Variants in CD163L1 observed in about 807,000 individuals in gnomAD.
CD163L1 encodes scavenger receptor cysteine-rich type 1 protein M160.
In CD163L1, 124 loss-of-function variants were observed where a neutral mutation model predicts 165.4. That is an observed-to-expected ratio of 0.75 (90% CI 0.65 to 0.87). The LOEUF (loss-of-function observed/expected upper bound fraction) is 0.87. Ranked by LOEUF, CD163L1 falls within the 40% of genes least tolerant of loss-of-function variation. The pLI is 0.00. For synonymous variants in CD163L1, 585 were observed against 662.2 expected, an observed-to-expected ratio of 0.88 and a Z score of 1.79; for missense variants, 1,525 against 1,799.9, an observed-to-expected ratio of 0.85 and a Z score of 2.76.
chr12:7,323,349 G>T, the CD163L1 span: 2 of 1,600,844 alleles, frequency 1.2e-6, no homozygotes, highest in Non-Finnish European at 1.7e-6. Context: ...GTTCAGTAAA[G>T]GAGAGAGAAC....
intron 8 of CD163L1, among the ~76,000 whole-genome samples, chr12:7,383,486 C>T (rs1947454822): frequency 6.6e-6 from 1 of 152,158 alleles, no homozygotes; most frequent in African/African-American, 2.4e-5. Flanking sequence ...GATAAGCAAG[C>T]CACCTGGAAG....
At chr12:7,410,784 C>T (rs1948124071) in intron 4 of CD163L1, among the ~76,000 whole-genome samples, 1 of 151,522 alleles carries the variant, frequency 6.6e-6, no homozygotes, top group South Asian at 2.1e-4. Context: ...GAGCTGAGAT[C>T]ACACCACTGC....
downstream of CD163L1, among the ~76,000 whole-genome samples, chr12:7,341,778 C>T (rs1339031168): frequency 1.3e-5 from 2 of 152,076 alleles, no homozygotes; most frequent in Admixed American, 6.6e-5. Flanking sequence ...AAATCTATAC[C>T]CCTGGGCCTT....
At chr12:7,381,226 T>C (rs1031753573) in intron 8 of CD163L1, among the ~76,000 whole-genome samples, 1 of 152,166 alleles carries the variant, frequency 6.6e-6, no homozygotes, top group African/African-American at 2.4e-5. Context: ...CAACTCTGAC[T>C]TTGACCAGAT....
At chr12:7,363,607 C>T (rs749727931) in intron 18 of CD163L1, among the ~76,000 whole-genome samples, 1 of 151,326 alleles carries the variant, frequency 6.6e-6, no homozygotes, top group Non-Finnish European at 1.5e-5. Flanking sequence ...CAATTGAGAC[C>T]ACAGAAATAC....
intron 4 of CD163L1, among the ~76,000 whole-genome samples, chr12:7,408,431 TCACATTAGCAATATTTTTAAACTATTTC>T (rs1948072380): frequency 6.6e-6 from 1 of 152,160 alleles, no homozygotes; most frequent in Non-Finnish European, 1.5e-5. Flanking sequence ...AAATAGAATG[TCACATTAGCAATATTTTTAAACTATTTC>T]CACTTTTGTA....
At position 7,412,824 on chromosome 12, in the gene CD163L1, C is replaced by T. The variant is rs147284415; in HGVS notation, c.767-5972G>A. The stretch of plus-strand genomic sequence containing the variant: ...AGAAGTCCAAGCACCTGGCCGGGCG[C>T]AGTGGCTCACACCTGTAATCCAAGC... On this transcript the variant is annotated intron_variant, in intron 4 of 19. Transcript: ENST00000313599. Among the ~76,000 whole-genome samples, 1,080 of 152,104 alleles carry T rather than the reference C, an allele frequency of 7.1e-3. 15 individuals carry two copies. Among genetic ancestry groups the T allele is most frequent in the African/African-American group, 0.025 (1,023 of 41,486 alleles).
intron 2 of CD163L1, among the ~76,000 whole-genome samples, chr12:7,436,892 A>G (rs754742064): frequency 1.2e-3 from 181 of 151,964 alleles, no homozygotes; most frequent in African/African-American, 3.8e-3. Context: ...AGGTCTTATT[A>G]AAATCTATTT....
the CD163L1 span, among the ~76,000 whole-genome samples, chr12:7,330,871 C>T: frequency 3.2e-4 from 49 of 152,262 alleles, no homozygotes; most frequent in African/African-American, 8.7e-4. Context: ...ACGCAGAAGA[C>T]GGATGATTTC....
intron 2 of CD163L1, chr12:7,440,021 C>G (rs1006388120): frequency 4.2e-5 from 58 of 1,386,026 alleles, no homozygotes; most frequent in Non-Finnish European, 5.3e-5. Flanking sequence ...GAGGAAAACC[C>G]GCTGCGACAC....
In CD163L1 at chr12:7,396,405, T is replaced by G. The variant is rs756545997; in HGVS notation, c.1740A>C (p.Thr580=). The G allele has an allele frequency of 3.7e-5, 59 of 1,605,590 alleles. No homozygotes were observed. In the South Asian group the frequency reaches 6.1e-4, roughly 17 times the overall value. The change falls in exon 8 of 20, where the codon ACA becomes ACC. Residue 580 remains threonine, a synonymous_variant. Coordinates refer to ENST00000313599, the MANE Select transcript of CD163L1 (RefSeq NM_174941.6). ...DVIVTCSGDA[T]WGLRLVGGSN... ...TGCCGCCCACCAGCCTCAGGCCCCA[T>G]GTTGCATCACCTGCACCAAGAACAA...
chr12:7,406,491 A>G, intron 5 of CD163L1, 41 bp downstream of exon 5: 1 of 1,585,236 alleles, frequency 6.3e-7, no homozygotes, highest in East Asian at 2.2e-5. Flanking sequence ...TCTCCAAAAA[A>G]GAAATTTTAT....
rs368402880 is a variant in CD163L1, at chr12:7,373,636, G to A, written c.3414C>T (p.Phe1138=). The A allele has an allele frequency of 7.6e-6, 12 of 1,580,536 alleles. No homozygotes were observed. The highest frequency in any genetic ancestry group is 4.1e-5 in the African/African-American group (3 of 73,642). ...TTTCACTGTAGAGCCTCAAGGCTGT[G>A]AATTCTACAGAGAAATACAAAACTT... The part of the protein sequence containing the change: ...KEDAGVICSE[F]TALRLYSETE... Residue 1138 remains phenylalanine (F), a synonymous_variant, in exon 14 of 20, where the codon TTC becomes TTT. Coordinates refer to ENST00000313599, the MANE Select transcript of CD163L1 (RefSeq NM_174941.6).
intron 1 of CD163L1, 58 bp from the exon 2 acceptor site, chr12:7,441,304 G>C: frequency 8.3e-7 from 1 of 1,205,846 alleles, no homozygotes; most frequent in South Asian, 1.2e-5. Context: ...AATGTTAGAT[G>C]ACCTCAATGA....
rs988500298 is a variant in CD163L1 at position 7,426,886 on chromosome 12, A to C, written c.766+5530T>G. Among the ~76,000 whole-genome samples the C allele has an allele frequency of 9.2e-5, 14 of 152,316 alleles. No individual in the cohort carries two copies. The East Asian group carries it at 2.7e-3, about 29-fold the overall frequency. ...AATGTATTTCATGTAAATGGCAACC[A>C]AAAGTAAGCTAGAGCACCTGTGCTT... On this transcript the variant is annotated intron_variant, in intron 4 of 19. Transcript: ENST00000313599.
At chr12:7,417,992 G>C (rs1948279628) in intron 4 of CD163L1, among the ~76,000 whole-genome samples, 1 of 139,146 alleles carries the variant, frequency 7.2e-6, no homozygotes, top group Non-Finnish European at 1.5e-5. Flanking sequence ...AAAAAACAGA[G>C]TGTAGAGGTA....
At chr12:7,327,218 T>C in the CD163L1 span, 1 of 1,215,980 alleles carries the variant, frequency 8.2e-7, no homozygotes, top group Non-Finnish European at 1.1e-6. Flanking sequence ...ACTTTTCAAT[T>C]TGTTTAACCC....
intron 18 of CD163L1, among the ~76,000 whole-genome samples, chr12:7,364,744 G>T (rs1017193141): frequency 6.6e-6 from 1 of 151,906 alleles, no homozygotes; most frequent in East Asian, 1.9e-4. Flanking sequence ...AGTGAAAGAT[G>T]TATACAAAGA....
the CD163L1 span, among the ~76,000 whole-genome samples, chr12:7,332,213 C>T: frequency 0.17 from 24,943 of 151,162 alleles, 2,574 homozygotes; most frequent in Admixed American, 0.28. Flanking sequence ...TGAAATGAAG[C>T]GAGAAGAGAA....
Sources: allele counts gnomAD v4.1 joint callset (sites outside exome capture counted in the v4.1 genomes callset), GRCh38; gene constraint gnomAD v4.1.1; transcripts MANE v1.5; gene names NCBI Gene and HGNC (gene_info 2026-07-23, HGNC 2026-07-21).